RBFOX1: variants seen among roughly 807,000 people sequenced by gnomAD.
The protein encoded by RBFOX1 is RNA binding fox-1 homolog 1.
Under a neutral mutation model 57.7 loss-of-function variants are expected in RBFOX1, and 8 were observed. That is an observed-to-expected ratio of 0.14 (90% CI 0.08 to 0.25). RBFOX1 has a LOEUF of 0.25. Ranked by LOEUF, RBFOX1 falls within the 10% of genes least tolerant of loss-of-function variation. The pLI is 1.00. For synonymous variants in RBFOX1, 326 were observed against 222.4 expected (o/e 1.47, Z -4.15); for missense variants, 611 against 548.5 (o/e 1.11, Z -1.14).
chr16:7,246,898 T>G (rs979490049), intron 4 of RBFOX1, among the ~76,000 whole-genome samples: 1 of 152,122 alleles, frequency 6.6e-6, no homozygotes, highest in Non-Finnish European at 1.5e-5. Flanking sequence ...AGGAAAGTTA[T>G]ACAACCTCCC....
At chr16:6,087,139 G>T (rs140785722) in intron 1 of RBFOX1, among the ~76,000 whole-genome samples, 1 of 152,280 alleles carries the variant, frequency 6.6e-6, no homozygotes, top group Non-Finnish European at 1.5e-5. Context: ...GAGATGAAAA[G>T]TTAGATTTAT....
intron 4 of RBFOX1, among the ~76,000 whole-genome samples, chr16:7,143,371 A>G (rs1442137774): frequency 6.6e-6 from 1 of 152,138 alleles, no homozygotes; most frequent in Admixed American, 6.5e-5. Context: ...TGGGAACATT[A>G]AACGACCCAA....
intron 1 of RBFOX1, among the ~76,000 whole-genome samples, chr16:6,113,776 G>C (rs981070379): frequency 2.0e-5 from 3 of 152,198 alleles, no homozygotes; most frequent in African/African-American, 7.2e-5. Context: ...AGAAATGTTT[G>C]TTGTCTTGAA....
chr16:6,724,324 C>G (rs1326246869), intron 3 of RBFOX1, among the ~76,000 whole-genome samples: 4 of 151,708 alleles, frequency 2.6e-5, no homozygotes, highest in Non-Finnish European at 5.9e-5. Context: ...GTTCTCTTGC[C>G]TCAGCCTCCC....
chr16:7,215,658 C>T lies in RBFOX1; in HGVS notation c.27+163560C>T, dbSNP rs187532087. ...ATCCTCGGGCAGATTAGCATTTCTT[C>T]CCCCAGTTCCCCAATGCTAGGCCAC... On this transcript the variant is annotated intron_variant, in intron 4 of 15. Transcript: ENST00000550418. Among the ~76,000 whole-genome samples, 578 of 152,144 alleles carry T rather than the reference C, an allele frequency of 3.8e-3. 3 individuals carry two copies. The highest frequency in any genetic ancestry group is 0.013 in the African/African-American group (521 of 41,494).
chr16:7,214,076 G>GAA (rs36099134), intron 4 of RBFOX1, among the ~76,000 whole-genome samples: 52,650 of 148,138 alleles, frequency 0.36, 9,681 homozygotes, highest in Middle Eastern at 0.42. Flanking sequence ...GCTTGCTATG[G>GAA]AAAAAAAAAA....
chr16:5,558,818 C>T (rs551136559), intron 2 of RBFOX1, among the ~76,000 whole-genome samples: 24 of 152,110 alleles, frequency 1.6e-4, no homozygotes, highest in Non-Finnish European at 2.6e-4. Flanking sequence ...CATGAGCATG[C>T]AAAGGTGTCA....
intron 14 of RBFOX1, among the ~76,000 whole-genome samples, chr16:7,698,844 AGGC>A (rs2079665581): frequency 6.6e-6 from 1 of 152,236 alleles, no homozygotes; most frequent in Non-Finnish European, 1.5e-5. Context: ...GCATAGTCTC[AGGC>A]TTGCTGCATG....
chr16:5,315,471 A>C (rs990743046), intron 1 of RBFOX1, among the ~76,000 whole-genome samples: 2 of 152,136 alleles, frequency 1.3e-5, no homozygotes, highest in South Asian at 2.1e-4. Flanking sequence ...TTCTTGGAGC[A>C]GCTCCCGGGG....
At position 6,703,360 on chromosome 16, in the gene RBFOX1, G is replaced by C. The variant is rs560651412; in HGVS notation, c.-16+48710G>C. On this transcript the variant is annotated intron_variant, in intron 3 of 15. Transcript: ENST00000550418. ...AGGCTGAGGCAGGAGGTTTGCTTGAGCCCAGGGGTTTGAGGCCAGCCTAGG... is the reference window on the plus strand; with the variant it reads ...AGGCTGAGGCAGGAGGTTTGCTTGACCCCAGGGGTTTGAGGCCAGCCTAGG... 3.2e-4 allele frequency among the ~76,000 whole-genome samples: 49 copies of C among 152,188 alleles called. 1 individual carries two copies. The highest frequency in any genetic ancestry group is 2.0e-3 in the Admixed American group (30 of 15,276).
chr16:7,516,410 T>C (rs2076363216), intron 4 of RBFOX1, among the ~76,000 whole-genome samples: 1 of 152,138 alleles, frequency 6.6e-6, no homozygotes, highest in Non-Finnish European at 1.5e-5. Context: ...GGTTCAACTG[T>C]ATCTGCACCA....
At chr16:6,252,596 T>G (rs1421569062) in intron 1 of RBFOX1, among the ~76,000 whole-genome samples, 1 of 145,718 alleles carries the variant, frequency 6.9e-6, no homozygotes, top group Non-Finnish European at 1.5e-5. Flanking sequence ...CTGCTTTCGT[T>G]TCCATGCCAA....
Position 5,577,983 on chromosome 16 carries a change from C to G in RBFOX1, c.259-20919C>G, listed in dbSNP as rs527707461. 4.1e-4 allele frequency among the ~76,000 whole-genome samples: 62 copies of G among 152,310 alleles called. No individual in the cohort carries two copies. The South Asian group carries it at 0.011, about 28-fold the overall frequency. On this transcript the variant is annotated intron_variant, in intron 2 of 2. Transcript: ENST00000585867. ...GAGGATTTCTTTTGAGACAGAGTCT[C>G]TCTCTGTTGCCAGGCTGGGGTACAG...
intron 3 of RBFOX1, among the ~76,000 whole-genome samples, chr16:5,806,965 T>C (rs1336394343): frequency 6.6e-6 from 1 of 152,032 alleles, no homozygotes; most frequent in Admixed American, 6.5e-5. Flanking sequence ...AGAGAAGGAA[T>C]AGTTAGAAAA....
At chr16:6,955,813 C>T (rs566863125) in intron 3 of RBFOX1, among the ~76,000 whole-genome samples, 1 of 152,080 alleles carries the variant, frequency 6.6e-6, no homozygotes, top group Non-Finnish European at 1.5e-5. Context: ...TCAAGTGATT[C>T]TCCTGCCTCA....
chr16:5,635,149 C>A (rs1459094421), intron 3 of RBFOX1, among the ~76,000 whole-genome samples: 1 of 152,208 alleles, frequency 6.6e-6, no homozygotes, highest in Non-Finnish European at 1.5e-5. Context: ...TTAACATTTT[C>A]ACTTTTGACT....
intron 2 of RBFOX1, among the ~76,000 whole-genome samples, chr16:6,619,166 G>GGA (rs1264469146): frequency 7.0e-6 from 1 of 142,302 alleles, no homozygotes; most frequent in Non-Finnish European, 1.6e-5. Flanking sequence ...CAGCCAGGAA[G>GGA]GAGAAAAAAA....
intron 3 of RBFOX1, among the ~76,000 whole-genome samples, chr16:5,812,719 T>C (rs1278859319): frequency 6.6e-6 from 1 of 152,116 alleles, no homozygotes; most frequent in African/African-American, 2.4e-5. Context: ...ACCTCTGCCT[T>C]CCAAAGTGCT....
intron 1 of RBFOX1, among the ~76,000 whole-genome samples, chr16:6,109,729 T>C (rs532456766): frequency 2.0e-5 from 3 of 152,212 alleles, no homozygotes; most frequent in Non-Finnish European, 4.4e-5. Context: ...TAGAATATTT[T>C]ATCAGTATTA....
Sources: allele counts gnomAD v4.1 joint callset (sites outside exome capture counted in the v4.1 genomes callset), GRCh38; gene constraint gnomAD v4.1.1; transcripts MANE v1.5; gene names NCBI Gene and HGNC (gene_info 2026-07-23, HGNC 2026-07-21).